The following SEC24A variants were observed in gnomAD, a reference collection of about 807,000 sequenced individuals.
SEC24A encodes SEC24 homolog A, COPII component.
Under a neutral mutation model 129.4 loss-of-function variants are expected in SEC24A, and 93 were observed. The ratio of observed to expected loss-of-function variants is 0.72; its 90% CI spans 0.61 to 0.85. The LOEUF is 0.85. Among genes scored for constraint, SEC24A ranks in the 40% least tolerant of loss-of-function variants. SEC24A has a pLI of 0.00. For synonymous variants in SEC24A, 460 were observed against 467.3 expected (o/e 0.98, Z 0.20); for missense variants, 1,264 against 1,307.4 (o/e 0.97, Z 0.51).
At chr5:134,722,970 G>A (rs759620279) in intron 21 of SEC24A, among the ~76,000 whole-genome samples, 5 of 151,492 alleles carry the variant, frequency 3.3e-5, no homozygotes, top group Non-Finnish European at 2.9e-5. Flanking sequence ...CCTGAGCAAC[G>A]TGGTGAGATA....
intron 19 of SEC24A, among the ~76,000 whole-genome samples, chr5:134,716,307 G>A (rs568672727): frequency 2.6e-5 from 4 of 150,992 alleles, no homozygotes; most frequent in Non-Finnish European, 4.4e-5. Flanking sequence ...ATAAAAATAC[G>A]AAAAACAAAA....
intron 3 of SEC24A, among the ~76,000 whole-genome samples, chr5:134,670,855 G>A (rs904551009): frequency 5.3e-5 from 8 of 151,942 alleles, no homozygotes; most frequent in African/African-American, 1.4e-4. Flanking sequence ...CAGGCGTGGT[G>A]ACGGGCACAT....
chr5:134,666,187 A>G (rs1750653171), intron 2 of SEC24A, among the ~76,000 whole-genome samples: 1 of 152,186 alleles, frequency 6.6e-6, no homozygotes, highest in African/African-American at 2.4e-5. Flanking sequence ...TCTAAAAGTG[A>G]TTTAATCCAA....
intron 13 of SEC24A, among the ~76,000 whole-genome samples, chr5:134,696,047 A>G (rs1034361330): frequency 7.9e-5 from 12 of 152,090 alleles, no homozygotes; most frequent in African/African-American, 2.7e-4. Context: ...CAGGCGGATC[A>G]TCTAACTTTG....
chr5:134,691,456 C>T (rs1288864392), intron 11 of SEC24A, among the ~76,000 whole-genome samples: 8 of 151,400 alleles, frequency 5.3e-5, no homozygotes, highest in African/African-American at 1.2e-4. Context: ...CACGAGCCAC[C>T]GCACCCAGCC....
chr5:134,693,809 A>G lies in SEC24A; in HGVS notation c.1862A>G (p.Gln621Arg). ...CAGAGTGCCTTGGGTCCTGCACTGCAGGCTGCCTTTAAGCTGATGTCTCCA... is the reference window on the plus strand; with the variant it reads ...CAGAGTGCCTTGGGTCCTGCACTGCGGGCTGCCTTTAAGCTGATGTCTCCA... ...ETQSALGPAL[Q>R]AAFKLMSPTG... Residue 621 changes from glutamine (Q) to arginine (R), a missense_variant, in exon 13 of 23, where the codon CAG becomes CGG. Coordinates refer to ENST00000398844, the MANE Select transcript of SEC24A (RefSeq NM_021982.3). 6.2e-7 allele frequency: 1 copy of G among 1,614,170 alleles called. No individual in the cohort carries two copies.
chr5:134,674,466 G>C (rs1214846535), intron 4 of SEC24A, 149 bp from the exon 5 acceptor site: 1 of 588,886 alleles, frequency 1.7e-6, no homozygotes, highest in Non-Finnish European at 2.9e-6. Context: ...GAACCTAGGA[G>C]GTTAAGGCTG....
chr5:134,692,799 T>G (rs1019112312), intron 12 of SEC24A, 142 bp downstream of exon 12: 11 of 718,176 alleles, frequency 1.5e-5, no homozygotes, highest in East Asian at 1.1e-4. Context: ...TATAATTAGA[T>G]GAACAGCTCT....
chr5:134,699,345 CTGGAG>C (rs1401925122), intron 15 of SEC24A, among the ~76,000 whole-genome samples: 1 of 148,204 alleles, frequency 6.7e-6, no homozygotes, highest in Non-Finnish European at 1.5e-5. Context: ...GTCGTCCAGG[CTGGAG>C]TGCAGTGGCA....
Position 134,661,248 on chromosome 5 carries a change from A to G in SEC24A, c.227A>G (p.Tyr76Cys), listed in dbSNP as rs199957198. 84 of 1,614,054 alleles carry G rather than the reference A, an allele frequency of 5.2e-5. No individual in the cohort carries two copies. The African/African-American group carries it at 6.8e-4, about 13-fold the overall frequency. ...AATCCAGTCTCTGGACAGTCTAACT[A>G]TGGTGGTTCTCAGGGATCTGGGCAG... ...TLNPVSGQSN[Y>C]GGSQGSGQTL... The change falls in exon 2 of 23, where the codon TAT becomes TGT. Residue 76 changes from tyrosine (Y) to cysteine (C), a missense_variant. Tyr to Cys is a radical substitution (Grantham distance 194). Coordinates refer to ENST00000398844, the MANE Select transcript of SEC24A (RefSeq NM_021982.3).
At chr5:134,714,459 C>T (rs969539006) in intron 18 of SEC24A, among the ~76,000 whole-genome samples, 2 of 152,144 alleles carry the variant, frequency 1.3e-5, no homozygotes, top group African/African-American at 2.4e-5. Context: ...TTGTGAACTG[C>T]GCATGCGAGA....
At chr5:134,677,575 C>T (rs1317833833) in intron 7 of SEC24A, among the ~76,000 whole-genome samples, 1 of 150,018 alleles carries the variant, frequency 6.7e-6, no homozygotes, top group African/African-American at 2.5e-5. Flanking sequence ...CAGTGGCTCA[C>T]ACCTGTAATC....
intron 18 of SEC24A, among the ~76,000 whole-genome samples, chr5:134,709,807 CTTT>C (rs970553488): frequency 2.6e-5 from 4 of 152,016 alleles, no homozygotes; most frequent in African/African-American, 7.2e-5. Context: ...AAAAATTTAA[CTTT>C]TTTTTAAAAA....
chr5:134,683,951 A>G (rs1031193008), intron 9 of SEC24A, among the ~76,000 whole-genome samples: 3 of 152,218 alleles, frequency 2.0e-5, no homozygotes, highest in Non-Finnish European at 4.4e-5. Context: ...TCACCATGCC[A>G]TAATTATCTC....
At chr5:134,708,070 A>G (rs951086515) in intron 17 of SEC24A, among the ~76,000 whole-genome samples, 1 of 152,124 alleles carries the variant, frequency 6.6e-6, no homozygotes, top group Non-Finnish European at 1.5e-5. Flanking sequence ...CGGAGGATGC[A>G]GTGAGCCAAG....
intron 17 of SEC24A, among the ~76,000 whole-genome samples, chr5:134,705,943 A>G (rs1014083207): frequency 1.4e-5 from 2 of 143,526 alleles, no homozygotes; most frequent in African/African-American, 5.2e-5. Flanking sequence ...GCTGGAGTGT[A>G]ATGGCGCAAT....
At chr5:134,691,409 C>T (rs1751646117) in intron 11 of SEC24A, among the ~76,000 whole-genome samples, 1 of 150,252 alleles carries the variant, frequency 6.7e-6, no homozygotes, top group Admixed American at 6.7e-5. Flanking sequence ...CCTCATGATC[C>T]ACCTGCCTCA....
rs905400911 is a variant in SEC24A at position 134,686,996 on chromosome 5, A to G, written c.1604+94A>G. On this transcript the variant is annotated intron_variant, in intron 10 of 22. Coordinates refer to ENST00000398844, the MANE Select transcript of SEC24A (RefSeq NM_021982.3). ...ATTAAAAAATAAAAGCTGTATAATT[A>G]TGTTCTAAAACTCCACCCAAATCAG... is the stretch of plus-strand genomic sequence containing the variant. 19 of 657,006 alleles carry G rather than the reference A, an allele frequency of 2.9e-5. No homozygotes were observed. In the Admixed American group the frequency reaches 3.4e-4, roughly 12 times the overall value. 40.7% of individuals were successfully genotyped at this position (657,006 alleles called of 1,614,324 possible).
At chr5:134,687,446 TAAAA>T (rs1751491006) in intron 10 of SEC24A, among the ~76,000 whole-genome samples, 1 of 152,222 alleles carries the variant, frequency 6.6e-6, no homozygotes, top group Non-Finnish European at 1.5e-5. Context: ...TTAAGTCTCT[TAAAA>T]TAACTATTTC....
Sources: allele counts gnomAD v4.1 joint callset (sites outside exome capture counted in the v4.1 genomes callset), GRCh38; gene constraint gnomAD v4.1.1; transcripts MANE v1.5; gene names NCBI Gene and HGNC (gene_info 2026-07-23, HGNC 2026-07-21).